Variants in CFAP299 observed in about 807,000 individuals in gnomAD.
The protein encoded by CFAP299 is cilia- and flagella-associated protein 299.
A neutral mutation model predicts 27.0 loss-of-function variants in CFAP299; 21 were observed. That is an observed-to-expected ratio of 0.78 (90% confidence interval 0.55 to 1.12). CFAP299 has a LOEUF of 1.12. CFAP299 is among the 50% of genes most tolerant of loss of function. The probability of loss-of-function intolerance (pLI) is 0.00; values close to 1 mark genes in which losing one functional copy is unlikely to be tolerated. For missense variants in CFAP299, 310 were observed against 276.6 expected, an observed-to-expected ratio of 1.12 and a Z score of -0.86; for synonymous variants, 104 against 98.1, an observed-to-expected ratio of 1.06 and a Z score of -0.36.
At chr4:80,461,451 T>C (rs977404478) in intron 2 of CFAP299, among the ~76,000 whole-genome samples, 2 of 152,144 alleles carry the variant, frequency 1.3e-5, no homozygotes, top group Non-Finnish European at 2.9e-5. Context: ...GGTAAAATAC[T>C]TAGATTTCTT....
intron 3 of CFAP299, among the ~76,000 whole-genome samples, chr4:80,713,282 C>T (rs1722281707): frequency 6.6e-6 from 1 of 152,112 alleles, no homozygotes; most frequent in Admixed American, 6.6e-5. Flanking sequence ...CCCAATTGAA[C>T]CCATGTAGGA....
intron 2 of CFAP299, among the ~76,000 whole-genome samples, chr4:80,511,141 CT>C (rs1279720404): frequency 1.3e-5 from 2 of 152,150 alleles, no homozygotes; most frequent in African/African-American, 4.8e-5. Context: ...TCAAGTCCTG[CT>C]GCTTCCCTAT....
chr4:80,652,273 G>C (rs928610046), intron 3 of CFAP299, among the ~76,000 whole-genome samples: 1 of 151,838 alleles, frequency 6.6e-6, no homozygotes, highest in Non-Finnish European at 1.5e-5. Flanking sequence ...CGCTGCATGA[G>C]GTAAAATTTC....
chr4:80,845,883 T>A (rs1355725250), intron 3 of CFAP299, among the ~76,000 whole-genome samples: 1 of 152,222 alleles, frequency 6.6e-6, no homozygotes, highest in Non-Finnish European at 1.5e-5. Context: ...TATTTATTAT[T>A]GAAAAATTAT....
intron 2 of CFAP299, among the ~76,000 whole-genome samples, chr4:80,574,163 A>G (rs1735731968): frequency 6.6e-6 from 1 of 151,996 alleles, no homozygotes; most frequent in Non-Finnish European, 1.5e-5. Flanking sequence ...TTTATTGTAG[A>G]GATCCTTCAT....
At chr4:80,489,408 G>A (rs992381672) in intron 2 of CFAP299, among the ~76,000 whole-genome samples, 1 of 152,128 alleles carries the variant, frequency 6.6e-6, no homozygotes, top group Admixed American at 6.5e-5. Context: ...ACGGCAGCAT[G>A]GAAATTCAGA....
intron 3 of CFAP299, among the ~76,000 whole-genome samples, chr4:80,674,314 G>A (rs1034549983): frequency 1.3e-5 from 2 of 152,140 alleles, no homozygotes; most frequent in Non-Finnish European, 2.9e-5. Context: ...ATTCTGGGTT[G>A]AAAATTCTTT....
intron 2 of CFAP299, among the ~76,000 whole-genome samples, chr4:80,550,785 G>A (rs367612901): frequency 1.6e-4 from 22 of 135,148 alleles, no homozygotes; most frequent in East Asian, 8.8e-4. Flanking sequence ...ACACACACAC[G>A]CACACACACA....
At chr4:80,859,465 G>A (rs897076823) in intron 3 of CFAP299, among the ~76,000 whole-genome samples, 8 of 151,346 alleles carry the variant, frequency 5.3e-5, no homozygotes, top group Non-Finnish European at 1.0e-4. Flanking sequence ...GATGTTAGCT[G>A]GTTATTTTGC....
intron 2 of CFAP299, among the ~76,000 whole-genome samples, chr4:80,577,824 T>C (rs1281972901): frequency 6.6e-6 from 1 of 152,176 alleles, no homozygotes; most frequent in Non-Finnish European, 1.5e-5. Context: ...AAAAATAAAC[T>C]CTTAAAAAGT....
intron 3 of CFAP299, among the ~76,000 whole-genome samples, chr4:80,695,388 C>G (rs117107853): frequency 1.3e-5 from 2 of 152,128 alleles, no homozygotes; most frequent in Non-Finnish European, 2.9e-5. Flanking sequence ...AAATAACTTT[C>G]TCACATATAG....
intron 3 of CFAP299, among the ~76,000 whole-genome samples, chr4:80,698,301 C>T (rs941416767): frequency 1.3e-5 from 2 of 152,200 alleles, no homozygotes; most frequent in Non-Finnish European, 2.9e-5. Flanking sequence ...TTTTCTATCA[C>T]AATGGGCTCC....
At chr4:80,819,185 A>G (rs1729571342) in intron 3 of CFAP299, among the ~76,000 whole-genome samples, 1 of 152,064 alleles carries the variant, frequency 6.6e-6, no homozygotes, top group African/African-American at 2.4e-5. Context: ...GACAGCTTCA[A>G]GCAGAGACAA....
rs369883964 is a variant in CFAP299 at position 80,709,413 on chromosome 4, CACAGTT to C, written c.333+126234_333+126239del. Among the ~76,000 whole-genome samples, 770 of 152,232 alleles carry C rather than the reference CACAGTT, an allele frequency of 5.1e-3. 5 individuals carry two copies. The highest frequency in any genetic ancestry group is 0.02 in the Middle Eastern group (6 of 294). On this transcript the variant is annotated intron_variant, in intron 3 of 5. Coordinates refer to ENST00000358105, the MANE Select transcript of CFAP299 (RefSeq NM_152770.3). ...GATTAAATATCAGGGTTGTCAGAAA[CACAGTT>C]ACAAAGTGCTGCTCCCTGCTTGATA...
intron 4 of CFAP299, chr4:80,871,517 ATTT>A (rs1206223474): frequency 1.0e-5 from 10 of 985,258 alleles, no homozygotes; most frequent in Non-Finnish European, 1.2e-5. Flanking sequence ...AATTAAATTC[ATTT>A]TAATTCCTGA....
chr4:80,722,253 A>T (rs185493974), intron 3 of CFAP299, among the ~76,000 whole-genome samples: 44 of 152,046 alleles, frequency 2.9e-4, no homozygotes. Context: ...CCCTGTCTCT[A>T]CTAAAAATAC....
intron 2 of CFAP299, among the ~76,000 whole-genome samples, chr4:80,386,026 A>G (rs908941610): frequency 2.6e-5 from 4 of 152,246 alleles, no homozygotes; most frequent in African/African-American, 7.2e-5. Flanking sequence ...GAAGGCGGCC[A>G]TGAGCCAAGG....
At chr4:80,949,186 T>C (rs1053244796) in intron 5 of CFAP299, among the ~76,000 whole-genome samples, 15 of 152,142 alleles carry the variant, frequency 9.9e-5, no homozygotes, top group African/African-American at 3.6e-4. Flanking sequence ...GTAGAAACCA[T>C]CAATGAAGCT....
chr4:80,641,201 A>T (rs1258729510), intron 3 of CFAP299, among the ~76,000 whole-genome samples: 1 of 151,910 alleles, frequency 6.6e-6, no homozygotes, highest in Non-Finnish European at 1.5e-5. Context: ...AGCTATATAA[A>T]CTATTTTTCT....
Sources: gnomAD v4.1 joint callset for allele counts (sites outside exome capture counted in the v4.1 genomes callset) on GRCh38, gnomAD v4.1.1 for gene constraint, MANE v1.5 for transcripts, NCBI Gene and HGNC (gene_info 2026-07-23, HGNC 2026-07-21) for gene names.